NOD1: variants seen among roughly 807,000 people sequenced by gnomAD.
The protein encoded by NOD1 is nucleotide-binding oligomerization domain-containing protein 1.
A neutral mutation model predicts 81.2 loss-of-function variants in NOD1; 70 were observed. The observed-to-expected ratio is 0.86, with a 90% CI of 0.71 to 1.05. The LOEUF is 1.05. Ranked by LOEUF, NOD1 falls within the 50% of genes least tolerant of loss-of-function variation. The pLI, the probability that NOD1 is intolerant of heterozygous loss-of-function variation, is 0.00. For synonymous variants in NOD1, 508 were observed against 526.9 expected (o/e 0.96, Z 0.49); for missense variants, 1,233 against 1,228.0 (o/e 1.00, Z -0.06).
chr7:30,460,583 A>C (rs1218173190), intron 1 of NOD1: 3 of 985,338 alleles, frequency 3.0e-6, no homozygotes, highest in Non-Finnish European at 2.4e-6. Flanking sequence ...GCCAGAAAAC[A>C]GGACACACCG....
chr7:30,447,041 G>T lies in NOD1; in HGVS notation c.2295C>A (p.Asn765Lys). ...YKIVTYLGLY[N>K]NQITDVGARY... ...TGGCTCCGACATCGGTGATCTGGTT[G>T]TTGTATAAACTTCAAGAGAAAGCAC... The change falls in exon 8 of 14, where the codon AAC becomes AAA. Residue 765 changes from asparagine (N) to lysine (K), a missense_variant. Physicochemically the swap from Asn to Lys is moderately conservative, Grantham distance 94 (BLOSUM62 0). Coordinates refer to ENST00000222823, the MANE Select transcript of NOD1 (RefSeq NM_006092.4). 6.2e-7 allele frequency: 1 copy of T among 1,614,056 alleles called. No homozygotes were observed. Among genetic ancestry groups the T allele is most frequent in the Non-Finnish European group, 8.5e-7 (1 of 1,179,882 alleles).
intron 1 of NOD1, chr7:30,463,892 G>C (rs1442761196): frequency 1.3e-5 from 2 of 151,834 alleles, no homozygotes; most frequent in African/African-American, 4.8e-5. Flanking sequence ...TCTCATTTTG[G>C]AGCACTTCCT....
chr7:30,462,429 T>TTG (rs1188294082), intron 1 of NOD1, among the ~76,000 whole-genome samples: 5 of 151,428 alleles, frequency 3.3e-5, no homozygotes, highest in Admixed American at 2.6e-4. Context: ...CTGATGGGTT[T>TTG]TTTTTTTTTT....
At chr7:30,465,431 A>G (rs902257762) in intron 1 of NOD1, among the ~76,000 whole-genome samples, 20 of 152,218 alleles carry the variant, frequency 1.3e-4, no homozygotes, top group African/African-American at 4.6e-4. Context: ...TGATCCATTT[A>G]GCAGGAGCTT....
Position 30,478,089 on chromosome 7 carries a change from G to A in NOD1, c.-352+517C>T, listed in dbSNP as rs927704217. On this transcript the variant is annotated intron_variant, in intron 1 of 13. Coordinates refer to ENST00000222823, the MANE Select transcript of NOD1 (RefSeq NM_006092.4). The surrounding 1 kb of genome is among the most constrained non-coding windows in gnomAD (Gnocchi z 4.1). ...ACTTTGTGGAGCATGAAACCCAAGGGAAGTTCTCACCCTCTCTCCAGGACC... is the reference window on the plus strand; with the variant it reads ...ACTTTGTGGAGCATGAAACCCAAGGAAAGTTCTCACCCTCTCTCCAGGACC... Among the ~76,000 whole-genome samples the A allele has an allele frequency of 2.6e-5, 4 of 152,132 alleles. No homozygotes were observed. Among genetic ancestry groups the A allele is most frequent in the African/African-American group, 9.7e-5 (4 of 41,430 alleles).
intron 1 of NOD1, chr7:30,464,129 A>T (rs1787439854): frequency 2.6e-5 from 4 of 152,128 alleles, no homozygotes; most frequent in Non-Finnish European, 4.4e-5. Context: ...CTCACCTGCC[A>T]CTCTGCTGCT....
chr7:30,430,900 G>A (rs1444401065), intron 12 of NOD1, among the ~76,000 whole-genome samples: 1 of 152,228 alleles, frequency 6.6e-6, no homozygotes, highest in African/African-American at 2.4e-5. Context: ...CAGAGGTAAT[G>A]ACCTTCCCTT....
intron 10 of NOD1, among the ~76,000 whole-genome samples, chr7:30,437,324 G>A (rs1449207084): frequency 6.6e-6 from 1 of 152,068 alleles, no homozygotes; most frequent in Non-Finnish European, 1.5e-5. Flanking sequence ...AAATCACCAT[G>A]GCATGCATTT....
At chr7:30,472,365 CT>C (rs1788363618) in intron 1 of NOD1, among the ~76,000 whole-genome samples, 1 of 152,220 alleles carries the variant, frequency 6.6e-6, no homozygotes, top group Non-Finnish European at 1.5e-5. Flanking sequence ...TGATTTCACT[CT>C]TTTTTTCATC....
chr7:30,437,611 T>C lies in NOD1; in HGVS notation c.2499A>G (p.Ala833=). The C allele has an allele frequency of 2.0e-6, 3 of 1,511,450 alleles. No individual in the cohort carries two copies. The highest frequency in any genetic ancestry group is 2.6e-6 in the Non-Finnish European group (3 of 1,142,496). The allele number at this position is 1,511,450 out of a possible 1,614,324, so 93.6% of individuals were successfully genotyped here. The change falls in exon 10 of 14, where the codon GCA becomes GCG. Residue 833 remains alanine, a synonymous_variant. Transcript: ENST00000222823. ...AGCTGGGGTGGTTCCGCAGAGCCTC[T>C]GCGAAGGCTTTTGCTCCTTCATCCC... ...QVGDEGAKAF[A]EALRNHPSLT...
At chr7:30,460,569 G>A (rs370506106) in intron 1 of NOD1, 31 of 985,292 alleles carry the variant, frequency 3.1e-5, no homozygotes, top group Middle Eastern at 5.2e-4. Context: ...AGCTAATGGA[G>A]GCAGCCAGAA....
chr7:30,476,493 C>A (rs1583909194), intron 1 of NOD1, among the ~76,000 whole-genome samples: 1 of 152,140 alleles, frequency 6.6e-6, no homozygotes, highest in African/African-American at 2.4e-5. Flanking sequence ...ATTCACTGTC[C>A]CTAGGCCAAG....
At chr7:30,468,180 C>G (rs1332713695) in intron 1 of NOD1, among the ~76,000 whole-genome samples, 1 of 152,136 alleles carries the variant, frequency 6.6e-6, no homozygotes, top group African/African-American at 2.4e-5. Flanking sequence ...CAAGAAATAC[C>G]ATATTGAAGA....
At chr7:30,435,135 C>G (rs568372959) in intron 11 of NOD1, among the ~76,000 whole-genome samples, 2 of 152,090 alleles carry the variant, frequency 1.3e-5, no homozygotes, top group Non-Finnish European at 2.9e-5. Context: ...CATTAAGTGG[C>G]CATAAAAAAG....
chr7:30,452,762 A>G lies in NOD1; in HGVS notation c.655T>C (p.Trp219Arg). 1 of 1,614,076 alleles carries G rather than the reference A, an allele frequency of 6.2e-7. No homozygotes were observed. Among genetic ancestry groups the G allele is most frequent in the Non-Finnish European group, 8.5e-7 (1 of 1,180,028 alleles). The change falls in exon 6 of 14, where the codon TGG becomes CGG. Residue 219 changes from tryptophan to arginine, a missense_variant. Physicochemically the swap from Trp to Arg is moderately radical, Grantham distance 101. Coordinates refer to ENST00000222823, the MANE Select transcript of NOD1 (RefSeq NM_006092.4). ...CCTGCGTCTAGCCGGCCCGTGGCCCAGAGGCTCTGCAGCCGCTGTAGCAGC... is the reference window on the plus strand; with the variant it reads ...CCTGCGTCTAGCCGGCCCGTGGCCCGGAGGCTCTGCAGCCGCTGTAGCAGC... ...SMLLQRLQSL[W>R]ATGRLDAGVK... is the part of the protein sequence containing the mutation.
chr7:30,450,790 T>G (rs891007217), intron 6 of NOD1, among the ~76,000 whole-genome samples: 1 of 152,234 alleles, frequency 6.6e-6, no homozygotes, highest in African/African-American at 2.4e-5. Flanking sequence ...AAGCAAGCTA[T>G]TAACTTCTCT....
Position 30,452,759 on chromosome 7 carries a change from C to T in NOD1, c.658G>A (p.Ala220Thr), listed in dbSNP as rs755893337. The change falls in exon 6 of 14, where the codon GCC (alanine) becomes ACC (threonine). Residue 220 changes from alanine (A) to threonine (T), a missense_variant. Transcript: ENST00000222823. ...MLLQRLQSLW[A>T]TGRLDAGVKF... is the part of the protein sequence containing the mutation. ...ACCCCTGCGTCTAGCCGGCCCGTGG[C>T]CCAGAGGCTCTGCAGCCGCTGTAGC... 5 of 1,613,946 alleles carry T rather than the reference C, an allele frequency of 3.1e-6. No individual in the cohort carries two copies. In the African/African-American group the frequency reaches 5.3e-5, roughly 17 times the overall value.
intron 13 of NOD1, 101 bp downstream of exon 13, chr7:30,429,273 G>T: frequency 1.0e-6 from 1 of 954,784 alleles, no homozygotes; most frequent in Non-Finnish European, 1.7e-6. Context: ...AGGGTTGCTG[G>T]AGGAATAAAC....
At chr7:30,439,760 C>T (rs1199303197) in intron 9 of NOD1, among the ~76,000 whole-genome samples, 1 of 64,014 alleles carries the variant, frequency 1.6e-5, no homozygotes, top group Non-Finnish European at 2.9e-5. Flanking sequence ...CACCACAGCT[C>T]AAGGAGGCCT....
Sources: allele counts gnomAD v4.1 joint callset (sites outside exome capture counted in the v4.1 genomes callset), GRCh38; gene constraint gnomAD v4.1.1; non-coding constraint Gnocchi (gnomAD v3.1); transcripts MANE v1.5; gene names NCBI Gene and HGNC (gene_info 2026-07-23, HGNC 2026-07-21).